The following PCLO variants were observed in gnomAD, a reference collection of about 807,000 sequenced individuals.
PCLO encodes protein piccolo.
A neutral mutation model predicts 427.5 loss-of-function variants in PCLO; 82 were observed. The ratio of observed to expected loss-of-function variants is 0.19; its 90% CI spans 0.16 to 0.23. PCLO has a LOEUF of 0.23. Among genes scored for constraint, PCLO ranks in the 10% least tolerant of loss-of-function variants. The probability of loss-of-function intolerance (pLI) is 1.00; values close to 1 mark genes in which losing one functional copy is unlikely to be tolerated. For synonymous variants in PCLO, 2,357 were observed against 2,155.4 expected (o/e 1.09, Z -2.59); for missense variants, 6,239 against 6,115.9 (o/e 1.02, Z -0.67).
At chr7:82,853,875 A>G (rs962498523) in intron 10 of PCLO, among the ~76,000 whole-genome samples, 1 of 152,122 alleles carries the variant, frequency 6.6e-6, no homozygotes, top group African/African-American at 2.4e-5. Context: ...TTTCCATCCT[A>G]TGATAGAGAA....
intron 3 of PCLO, among the ~76,000 whole-genome samples, chr7:83,132,040 C>A (rs1259917217): frequency 6.6e-6 from 1 of 152,038 alleles, no homozygotes; most frequent in East Asian, 1.9e-4. Flanking sequence ...ACTCCTTTTG[C>A]CATTTTTCCA....
chr7:83,064,817 G>A (rs1403748265), intron 3 of PCLO, among the ~76,000 whole-genome samples: 5 of 151,716 alleles, frequency 3.3e-5, no homozygotes, highest in South Asian at 2.1e-4. Flanking sequence ...TGCTCTCTCC[G>A]AGAGATGTGA....
At chr7:82,832,800 TACACACACACACACACACACACAC>T (rs10645073) in intron 16 of PCLO, among the ~76,000 whole-genome samples, 1 of 140,614 alleles carries the variant, frequency 7.1e-6, no homozygotes, top group Non-Finnish European at 1.5e-5. Flanking sequence ...CTAAACTTAC[TACACACACACACACACACACACAC>T]ACACACACAC....
Position 82,956,088 on chromosome 7 carries a change from T to A in PCLO, c.4865A>T (p.Asp1622Val), listed in dbSNP as rs763938749. 6.2e-7 allele frequency: 1 copy of A among 1,611,374 alleles called. No individual in the cohort carries two copies. Among genetic ancestry groups the A allele is most frequent in the African/African-American group, 1.3e-5 (1 of 74,930 alleles). The change falls in exon 5 of 25, where the codon GAT becomes GTT. Residue 1622 changes from aspartate to valine, a missense_variant. By Grantham distance (152) the Asp-to-Val change is radical. This residue lies in a region of PCLO where 4,677 missense variants were observed against 4,468.4 expected (regional missense o/e 1.05). Transcript: ENST00000333891. ...TRKSSTSIDE[D>V]AGRRHSWHDE... ...ATGCCATGAGTGACGTCTTCCTGCA[T>A]CTTCATCAATGCTTGTGCTACTTTT...
intron 22 of PCLO, among the ~76,000 whole-genome samples, chr7:82,764,672 C>T (rs1293374947): frequency 6.6e-6 from 1 of 151,716 alleles, no homozygotes; most frequent in Non-Finnish European, 1.5e-5. Flanking sequence ...AAACAGAATT[C>T]AGGCCAAAAT....
chr7:83,136,110 T>A (rs1228295817), intron 2 of PCLO, among the ~76,000 whole-genome samples: 1 of 151,230 alleles, frequency 6.6e-6, no homozygotes, highest in Admixed American at 6.6e-5. Context: ...AAAAAAAAAA[T>A]TATATATATA....
chr7:83,081,351 A>G (rs988408841), intron 3 of PCLO, among the ~76,000 whole-genome samples: 1 of 151,968 alleles, frequency 6.6e-6, no homozygotes, highest in Non-Finnish European at 1.5e-5. Flanking sequence ...ACAGAAATTT[A>G]ACAATGTAAA....
intron 3 of PCLO, among the ~76,000 whole-genome samples, chr7:83,020,218 A>G (rs1355245955): frequency 6.6e-6 from 1 of 152,088 alleles, no homozygotes; most frequent in Non-Finnish European, 1.5e-5. Context: ...CTCTGAGAGA[A>G]GTGTAGGAAA....
intron 21 of PCLO, among the ~76,000 whole-genome samples, chr7:82,803,933 G>A (rs1791409403): frequency 6.6e-6 from 1 of 151,956 alleles, no homozygotes; most frequent in Non-Finnish European, 1.5e-5. Flanking sequence ...TTAGAATGTG[G>A]TATATATATA....
intron 3 of PCLO, among the ~76,000 whole-genome samples, chr7:82,986,943 T>C (rs1398236777): frequency 6.6e-6 from 1 of 151,960 alleles, no homozygotes; most frequent in African/African-American, 2.4e-5. Context: ...AGAGCAAGAC[T>C]TTAATAGTAA....
At chr7:82,909,555 G>C (rs1483059364) in intron 7 of PCLO, among the ~76,000 whole-genome samples, 1 of 151,948 alleles carries the variant, frequency 6.6e-6, no homozygotes, top group African/African-American at 2.4e-5. Context: ...AAAACAAAAA[G>C]TATTCCTTGT....
chr7:82,865,354 G>A (rs1793066154), intron 10 of PCLO, among the ~76,000 whole-genome samples: 1 of 152,048 alleles, frequency 6.6e-6, no homozygotes, highest in South Asian at 2.1e-4. Flanking sequence ...CAGGCATGGT[G>A]GCCAGCGACT....
At position 83,022,820 on chromosome 7, in the gene PCLO, TA is replaced by T. The variant is rs925867669; in HGVS notation, c.3301-56334del. ...CAATAGCTCCTAAGTGCCTCTGGCG[TA>T]AAAAAAACTATCTGAAAGCCTGAAT... On this transcript the variant is annotated intron_variant, in intron 3 of 24. Transcript: ENST00000333891. 2.0e-5 allele frequency among the ~76,000 whole-genome samples: 3 copies of T among 151,970 alleles called. No homozygotes were observed. In the East Asian group the frequency reaches 5.8e-4, roughly 29 times the overall value.
At chr7:82,894,697 T>C (rs894624616) in intron 9 of PCLO, among the ~76,000 whole-genome samples, 1 of 151,968 alleles carries the variant, frequency 6.6e-6, no homozygotes, top group Non-Finnish European at 1.5e-5. Flanking sequence ...GCTGCTTCCA[T>C]CCCCAGCTAA....
At chr7:82,872,630 T>C (rs1793264645) in intron 10 of PCLO, among the ~76,000 whole-genome samples, 1 of 152,154 alleles carries the variant, frequency 6.6e-6, no homozygotes, top group Admixed American at 6.6e-5. Context: ...TAAGTTGTAT[T>C]GTAGAATAAA....
intron 3 of PCLO, among the ~76,000 whole-genome samples, chr7:83,045,565 T>C (rs1003676713): frequency 6.6e-6 from 1 of 152,170 alleles, no homozygotes; most frequent in Non-Finnish European, 1.5e-5. Flanking sequence ...TATTTGTATT[T>C]AGAACTTATC....
intron 3 of PCLO, among the ~76,000 whole-genome samples, chr7:83,043,884 C>T (rs1472264535): frequency 1.4e-5 from 2 of 139,134 alleles, no homozygotes; most frequent in Non-Finnish European, 3.0e-5. Flanking sequence ...AAAAGAGAGC[C>T]TTAACTCAAT....
intron 22 of PCLO, among the ~76,000 whole-genome samples, chr7:82,796,203 A>G (rs1005980414): frequency 1.3e-5 from 2 of 152,170 alleles, no homozygotes; most frequent in Non-Finnish European, 2.9e-5. Flanking sequence ...TTTAAAAAAT[A>G]TTTCAATAAT....
intron 22 of PCLO, among the ~76,000 whole-genome samples, chr7:82,790,578 A>G (rs1290579065): frequency 6.6e-6 from 1 of 152,166 alleles, no homozygotes; most frequent in Non-Finnish European, 1.5e-5. Flanking sequence ...ACAGCAGAGT[A>G]CCTTAATATT....
Sources: gnomAD v4.1 joint callset for allele counts (sites outside exome capture counted in the v4.1 genomes callset) on GRCh38, gnomAD v4.1.1 for gene constraint, gnomAD v4.1.1 regional missense constraint, MANE v1.5 for transcripts, NCBI Gene and HGNC (gene_info 2026-07-23, HGNC 2026-07-21) for gene names.